Variants in SPTBN1 observed in about 807,000 individuals in gnomAD.
SPTBN1 encodes spectrin beta chain, non-erythrocytic 1.
In SPTBN1, 32 loss-of-function variants were observed where a neutral mutation model predicts 266.4. The observed-to-expected ratio is 0.12, with a 90% confidence interval of 0.09 to 0.16. The LOEUF (loss-of-function observed/expected upper bound fraction) is 0.16, where lower values mean the gene tolerates loss of function less well. SPTBN1 is among the 10% of genes least tolerant of loss of function. SPTBN1 has a pLI of 1.00. For synonymous variants in SPTBN1, 1,336 were observed against 1,162.2 expected (o/e 1.15, Z -3.04); for missense variants, 2,296 against 3,067.1 (o/e 0.75, Z 5.94).
intron 2 of SPTBN1, among the ~76,000 whole-genome samples, chr2:54,574,664 C>A (rs1674335543): frequency 6.6e-6 from 1 of 152,188 alleles, no homozygotes; most frequent in Non-Finnish European, 1.5e-5. Context: ...ATGCTCATGT[C>A]AGGCACGTGG....
At chr2:54,600,861 A>G (rs975912638) in intron 3 of SPTBN1, among the ~76,000 whole-genome samples, 10 of 151,864 alleles carry the variant, frequency 6.6e-5, no homozygotes, top group Non-Finnish European at 1.2e-4. Context: ...ATAGGGTCCA[A>G]TCTTCTAGGC....
At chr2:54,520,701 A>C (rs561346924) in intron 1 of SPTBN1, among the ~76,000 whole-genome samples, 5 of 126,274 alleles carry the variant, frequency 4.0e-5, no homozygotes, top group African/African-American at 1.5e-4. Flanking sequence ...CAGGGAAAGT[A>C]GATAGGCACT....
At chr2:54,474,788 TG>T (rs1667740025) in intron 1 of SPTBN1, among the ~76,000 whole-genome samples, 1 of 152,190 alleles carries the variant, frequency 6.6e-6, no homozygotes. Flanking sequence ...TTGTGATTTT[TG>T]CTTTTGTCTC....
At chr2:54,529,476 C>A in intron 2 of SPTBN1, 1 of 715,816 alleles carries the variant, frequency 1.4e-6, no homozygotes, top group Non-Finnish European at 2.6e-6. Flanking sequence ...CGCATGTCAC[C>A]CACCTTCCAG....
rs1364976165 is a variant in SPTBN1 at position 54,664,891 on chromosome 2, G to A, written c.6659+200G>A. The A allele has an allele frequency of 3.3e-6, 2 of 598,500 alleles. No homozygotes were observed. The highest frequency in any genetic ancestry group is 5.8e-5 in the East Asian group (2 of 34,718). 37.1% of individuals were successfully genotyped at this position (598,500 alleles called of 1,614,324 possible). ...GTTATTCACTGAGAGAAGAAGAGTT[G>A]AGTTTGGATGGGAGTAGCTAGAAGG... On this transcript the variant is annotated intron_variant, in intron 33 of 35. Transcript: ENST00000356805. This position sits in a 1 kb window ranked among gnomAD's most constrained non-coding sequence, Gnocchi z 5.6.
In SPTBN1 at chr2:54,457,162, C is replaced by CG. The variant is rs1281075641; in HGVS notation, c.-48+644_-48+645insG. ...CTACCCTCGTGCGCCCGCCCCCCCCCCGCCCTTTCTGCCGTCCCCACTCTC... is the reference window on the plus strand; with the variant it reads ...CTACCCTCGTGCGCCCGCCCCCCCCCGCGCCCTTTCTGCCGTCCCCACTCTC... On this transcript the variant is annotated intron_variant, in intron 1 of 35. Transcript: ENST00000356805. The CG allele has an allele frequency of 4.3e-5, 6 of 138,454 alleles. 1 individual carries two copies. The highest frequency in any genetic ancestry group is 1.6e-4 in the African/African-American group (6 of 37,380). 8.6% of individuals were successfully genotyped at this position (138,454 alleles called of 1,614,324 possible).
chr2:54,571,791 T>G (rs1674105297), intron 2 of SPTBN1, among the ~76,000 whole-genome samples: 1 of 152,170 alleles, frequency 6.6e-6, no homozygotes. Context: ...TAAAGTAATA[T>G]AAGCAGTAAT....
chr2:54,588,386 G>C (rs900414758), intron 2 of SPTBN1, among the ~76,000 whole-genome samples: 7 of 152,124 alleles, frequency 4.6e-5, no homozygotes, highest in African/African-American at 1.7e-4. Flanking sequence ...GTGATGTCTT[G>C]TTTTCCTCAG....
intron 2 of SPTBN1, among the ~76,000 whole-genome samples, chr2:54,580,413 C>T (rs1674813216): frequency 6.6e-6 from 1 of 152,130 alleles, no homozygotes; most frequent in South Asian, 2.1e-4. Context: ...TATACCCATA[C>T]CAGCTTTTCA....
chr2:54,577,343 C>T (rs915558472), intron 2 of SPTBN1, among the ~76,000 whole-genome samples: 1 of 152,210 alleles, frequency 6.6e-6, no homozygotes, highest in Non-Finnish European at 1.5e-5. Context: ...CAAGGCTCTT[C>T]TGGGTAGATG....
chr2:54,504,759 GT>G (rs922342068), intron 1 of SPTBN1, among the ~76,000 whole-genome samples: 153 of 148,296 alleles, frequency 1.0e-3, no homozygotes, highest in African/African-American at 3.6e-3. Context: ...TAATTAAAAG[GT>G]TTTTTTTTTA....
chr2:54,643,251 A>G (rs1679695860), intron 19 of SPTBN1, 122 bp downstream of exon 19: 1 of 1,369,696 alleles, frequency 7.3e-7, no homozygotes, highest in Admixed American at 2.4e-5. Context: ...TAAGTTACAC[A>G]GCCAGTAATA....
chr2:54,472,027 T>G (rs910725267), intron 1 of SPTBN1, among the ~76,000 whole-genome samples: 2 of 111,348 alleles, frequency 1.8e-5, no homozygotes, highest in African/African-American at 7.9e-5. Context: ...AAGATGTTTT[T>G]TTTTTTTTTT....
At chr2:54,482,874 T>C (rs1259576862) in intron 1 of SPTBN1, among the ~76,000 whole-genome samples, 1 of 152,236 alleles carries the variant, frequency 6.6e-6, no homozygotes, top group Non-Finnish European at 1.5e-5. Flanking sequence ...AGTCACTCCA[T>C]ACTTTTTTAA....
Position 54,649,241 on chromosome 2 carries a change from G to A in SPTBN1, c.5202+51G>A, listed in dbSNP as rs1680111454. 4.6e-6 allele frequency: 7 copies of A among 1,536,428 alleles called. No homozygotes were observed. The highest frequency in any genetic ancestry group is 6.2e-6 in the Non-Finnish European group (7 of 1,131,882). ...TTGGTTGTGCAGTAAGCGATGGTGT[G>A]GAAGGCCATTTGCATTCCTTGTCTG... On this transcript the variant is annotated intron_variant, in intron 25 of 35. Transcript: ENST00000356805. The surrounding 1 kb of genome is among the most constrained non-coding windows in gnomAD (Gnocchi z 6.7).
chr2:54,645,460 C>A lies in SPTBN1; in HGVS notation c.4494+7C>A. On this transcript the variant is annotated splice_region_variant and intron_variant, in intron 21 of 35. Transcript: ENST00000356805. The surrounding 1 kb of genome is among the most constrained non-coding windows in gnomAD (Gnocchi z 4.3). ...GGATGTGGAGGACGAGATCGTGAGT[C>A]GACCCCTACTGCACACATGGCTTTT... 6.2e-7 allele frequency: 1 copy of A among 1,613,538 alleles called. No homozygotes were observed. Among genetic ancestry groups the A allele is most frequent in the South Asian group, 1.1e-5 (1 of 90,914 alleles).
chr2:54,614,813 A>G (rs955284297), intron 4 of SPTBN1, among the ~76,000 whole-genome samples: 1 of 152,014 alleles, frequency 6.6e-6, no homozygotes, highest in Non-Finnish European at 1.5e-5. Flanking sequence ...AAAAAAAAGT[A>G]AAAGATGGTG....
chr2:54,491,034 G>A (rs542447167), intron 1 of SPTBN1, among the ~76,000 whole-genome samples: 4 of 152,266 alleles, frequency 2.6e-5, no homozygotes, highest in East Asian at 1.9e-4. Context: ...TTCAAAGCTC[G>A]TTTGAGCTCT....
chr2:54,479,281 C>T (rs556410681), intron 1 of SPTBN1, among the ~76,000 whole-genome samples: 1 of 152,178 alleles, frequency 6.6e-6, no homozygotes, highest in South Asian at 2.1e-4. Context: ...CCGCCTCCCC[C>T]CCAAGTTGGT....
Sources: allele counts gnomAD v4.1 joint callset (sites outside exome capture counted in the v4.1 genomes callset), GRCh38; gene constraint gnomAD v4.1.1; non-coding constraint Gnocchi (gnomAD v3.1); transcripts MANE v1.5; gene names NCBI Gene and HGNC (gene_info 2026-07-23, HGNC 2026-07-21).